Variants in CNBD1 observed in about 807,000 individuals in gnomAD.
The protein encoded by CNBD1 is cyclic nucleotide-binding domain-containing protein 1.
CNBD1 carries 71 observed loss-of-function variants against 54.4 expected under a neutral mutation model. The ratio of observed to expected loss-of-function variants is 1.30; its 90% CI spans 1.08 to 1.59. The LOEUF (loss-of-function observed/expected upper bound fraction) is 1.59, where lower values mean the gene tolerates loss of function less well. Ranked by LOEUF, CNBD1 falls within the 40% of genes most tolerant of loss-of-function variation. CNBD1 has a pLI of 0.00. For missense variants in CNBD1, 659 were observed against 518.0 expected (o/e 1.27, Z -2.64); for synonymous variants, 182 against 170.7 (o/e 1.07, Z -0.51).
chr8:87,200,470 A>G (rs1813835440), intron 4 of CNBD1, among the ~76,000 whole-genome samples: 1 of 152,150 alleles, frequency 6.6e-6, no homozygotes, highest in African/African-American at 2.4e-5. Context: ...ATAAGAAAAA[A>G]CAATTAGTTC....
At chr8:87,395,420 T>C (rs1214815806) in intron 2 of CNBD1, among the ~76,000 whole-genome samples, 1 of 151,964 alleles carries the variant, frequency 6.6e-6, no homozygotes, top group East Asian at 1.9e-4. Flanking sequence ...ATATAATATA[T>C]TGAAGTGTTC....
At chr8:87,271,423 C>T (rs1189620454) in intron 6 of CNBD1, among the ~76,000 whole-genome samples, 1 of 151,820 alleles carries the variant, frequency 6.6e-6, no homozygotes, top group East Asian at 1.9e-4. Flanking sequence ...TTCTGTATCC[C>T]ACAGATGTTA....
chr8:87,019,615 C>T (rs886798637), intron 4 of CNBD1, among the ~76,000 whole-genome samples: 4 of 152,174 alleles, frequency 2.6e-5, no homozygotes, highest in African/African-American at 9.7e-5. Context: ...CGGTGGCTCA[C>T]ACTTGTCATC....
In CNBD1 at chr8:87,184,502, T is replaced by G. The variant is rs569704007; in HGVS notation, c.432-21491T>G. ...CCCACGCCAAACCCTCTGGGCTTCATGCAGACTGGAGTTCTATCTTGTCCA... is the reference window on the plus strand; with the variant it reads ...CCCACGCCAAACCCTCTGGGCTTCAGGCAGACTGGAGTTCTATCTTGTCCA... On this transcript the variant is annotated intron_variant, in intron 4 of 10. Coordinates refer to ENST00000518476, the MANE Select transcript of CNBD1 (RefSeq NM_173538.3). Among the ~76,000 whole-genome samples the G allele has an allele frequency of 1.3e-4, 20 of 152,294 alleles. 1 individual carries two copies. The highest frequency in any genetic ancestry group is 4.8e-4 in the African/African-American group (20 of 41,580).
At chr8:87,029,535 G>A (rs1373962230) in intron 4 of CNBD1, among the ~76,000 whole-genome samples, 1 of 151,940 alleles carries the variant, frequency 6.6e-6, no homozygotes, top group Non-Finnish European at 1.5e-5. Flanking sequence ...TCATAGAAAG[G>A]TAATAAAATC....
At chr8:86,915,106 G>A (rs1484930219) in intron 3 of CNBD1, among the ~76,000 whole-genome samples, 1 of 152,118 alleles carries the variant, frequency 6.6e-6, no homozygotes, top group East Asian at 1.9e-4. Flanking sequence ...TAGTTTGGGG[G>A]AAGGGTTGTG....
chr8:87,263,771 C>T (rs926071806), intron 6 of CNBD1, among the ~76,000 whole-genome samples: 8 of 151,880 alleles, frequency 5.3e-5, no homozygotes, highest in African/African-American at 1.7e-4. Context: ...ATAAATATAA[C>T]AAGCCTGGAA....
chr8:87,034,508 AT>A (rs1054105860), intron 4 of CNBD1, among the ~76,000 whole-genome samples: 2 of 152,214 alleles, frequency 1.3e-5, no homozygotes, highest in Admixed American at 1.3e-4. Context: ...TACAGTTAAA[AT>A]TTAATACTGA....
chr8:87,091,964 T>G (rs1811212917), intron 4 of CNBD1, among the ~76,000 whole-genome samples: 1 of 152,184 alleles, frequency 6.6e-6, no homozygotes, highest in Non-Finnish European at 1.5e-5. Flanking sequence ...GTTCATGAAG[T>G]GCTTTTCTAA....
chr8:87,121,764 G>T (rs1811895101), intron 4 of CNBD1, among the ~76,000 whole-genome samples: 1 of 151,494 alleles, frequency 6.6e-6, no homozygotes, highest in Non-Finnish European at 1.5e-5. Context: ...AGACAATGTG[G>T]TATCTGTCTT....
chr8:87,321,536 G>GT (rs934192321), intron 8 of CNBD1, among the ~76,000 whole-genome samples: 1 of 151,958 alleles, frequency 6.6e-6, no homozygotes, highest in African/African-American at 2.4e-5. Context: ...TTTTTAAAGG[G>GT]TTTTTTGATT....
chr8:87,198,690 A>G (rs1160284052), intron 4 of CNBD1, among the ~76,000 whole-genome samples: 7 of 152,210 alleles, frequency 4.6e-5, no homozygotes, highest in African/African-American at 1.7e-4. Flanking sequence ...TTACAGAAAT[A>G]TTTGAACAAT....
At chr8:86,930,585 G>A (rs1809440731) in intron 3 of CNBD1, among the ~76,000 whole-genome samples, 1 of 152,168 alleles carries the variant, frequency 6.6e-6, no homozygotes. Flanking sequence ...AGAGTGCAGA[G>A]GAATGCAGAA....
At chr8:86,925,099 G>C (rs773614570) in intron 3 of CNBD1, among the ~76,000 whole-genome samples, 6 of 152,074 alleles carry the variant, frequency 3.9e-5, no homozygotes, top group Non-Finnish European at 7.4e-5. Context: ...AATATTGACT[G>C]TCAAGAGTTT....
At chr8:87,365,715 T>A (rs1439496600) in intron 10 of CNBD1, among the ~76,000 whole-genome samples, 2 of 152,072 alleles carry the variant, frequency 1.3e-5, no homozygotes, top group East Asian at 3.9e-4. Flanking sequence ...ATAACTTTGC[T>A]TTCCTGTTGT....
At chr8:86,977,513 C>T (rs1808369205) in intron 4 of CNBD1, among the ~76,000 whole-genome samples, 2 of 151,822 alleles carry the variant, frequency 1.3e-5, no homozygotes, top group African/African-American at 4.8e-5. Context: ...TGAGAGAAGA[C>T]TCAAGTAAAA....
chr8:87,273,770 G>GT (rs955402386), intron 6 of CNBD1, among the ~76,000 whole-genome samples: 5 of 151,230 alleles, frequency 3.3e-5, no homozygotes, highest in African/African-American at 7.3e-5. Context: ...TGACAAATAA[G>GT]TTTTTTTTTA....
chr8:87,158,548 C>T (rs1248093603), intron 4 of CNBD1, among the ~76,000 whole-genome samples: 1 of 152,162 alleles, frequency 6.6e-6, no homozygotes, highest in Non-Finnish European at 1.5e-5. Context: ...CTGTTCATTA[C>T]ATTTGAACTT....
intron 4 of CNBD1, among the ~76,000 whole-genome samples, chr8:87,036,594 T>TAAAA (rs58299323): frequency 2.6e-4 from 17 of 64,732 alleles, no homozygotes; most frequent in South Asian, 8.1e-4. Flanking sequence ...ACTGCATCTC[T>TAAAA]AAAAAAAAAA....
Sources: allele counts gnomAD v4.1 joint callset (sites outside exome capture counted in the v4.1 genomes callset), GRCh38; gene constraint gnomAD v4.1.1; transcripts MANE v1.5; gene names NCBI Gene and HGNC (gene_info 2026-07-23, HGNC 2026-07-21).